The following SLC22A24 variants were observed in gnomAD, a reference collection of about 807,000 sequenced individuals.
SLC22A24 encodes solute carrier family 22 member 24, also known as steroid transmembrane transporter SLC22A24.
In SLC22A24, 53 loss-of-function variants were observed where a neutral mutation model predicts 49.8. The observed-to-expected ratio is 1.06, with a 90% CI of 0.85 to 1.34. SLC22A24 has a LOEUF of 1.34. Ranked by LOEUF, SLC22A24 falls within the 40% of genes most tolerant of loss-of-function variation. The pLI is 0.00. For missense variants in SLC22A24, 786 were observed against 675.9 expected (o/e 1.16, Z -1.81); for synonymous variants, 302 against 256.4 (o/e 1.18, Z -1.70).
At chr11:63,092,397 A>AG (rs71065331) in intron 6 of SLC22A24, among the ~76,000 whole-genome samples, 1 of 147,640 alleles carries the variant, frequency 6.8e-6, no homozygotes, top group African/African-American at 2.5e-5. Context: ...ATTAGAAAAA[A>AG]CTAGTTCAAA....
chr11:63,123,374 C>A (rs184264007), intron 2 of SLC22A24, among the ~76,000 whole-genome samples: 4 of 152,262 alleles, frequency 2.6e-5, no homozygotes, highest in Admixed American at 6.5e-5. Flanking sequence ...AGAGTTTAAT[C>A]TACTTGATAT....
intron 6 of SLC22A24, 88 bp from the exon 7 acceptor site, chr11:63,083,545 A>G: frequency 9.3e-7 from 1 of 1,071,688 alleles, no homozygotes; most frequent in Non-Finnish European, 1.3e-6. Flanking sequence ...AAGTCCTACA[A>G]ATGATTATAA....
intron 2 of SLC22A24, among the ~76,000 whole-genome samples, chr11:63,127,100 G>T (rs2087296965): frequency 6.6e-6 from 1 of 152,104 alleles, no homozygotes; most frequent in African/African-American, 2.4e-5. Flanking sequence ...TTTACATTAG[G>T]TATTTCTCCT....
At chr11:63,099,778 A>T (rs897888434) in intron 5 of SLC22A24, among the ~76,000 whole-genome samples, 12 of 152,220 alleles carry the variant, frequency 7.9e-5, no homozygotes, top group Non-Finnish European at 1.3e-4. Flanking sequence ...GACATATGCA[A>T]TTCAACCAAT....
At chr11:63,104,555 G>C (rs1345291490) in intron 4 of SLC22A24, among the ~76,000 whole-genome samples, 1 of 152,106 alleles carries the variant, frequency 6.6e-6, no homozygotes, top group Non-Finnish European at 1.5e-5. Context: ...AGACATACCT[G>C]AGACTGGGTA....
intron 2 of SLC22A24, among the ~76,000 whole-genome samples, chr11:63,128,317 T>A (rs910765299): frequency 7.2e-5 from 11 of 152,022 alleles, no homozygotes; most frequent in Non-Finnish European, 8.8e-5. Flanking sequence ...CACCAGCGCC[T>A]GGGAAGACAC....
intron 7 of SLC22A24, among the ~76,000 whole-genome samples, chr11:63,082,546 T>C (rs899534124): frequency 6.6e-6 from 1 of 152,188 alleles, no homozygotes; most frequent in Non-Finnish European, 1.5e-5. Context: ...GGTCATTCTA[T>C]TAATTTAACT....
At chr11:63,083,478 A>G (rs1185148201) in intron 6 of SLC22A24, 21 bp from the exon 7 acceptor site, 3 of 1,522,114 alleles carry the variant, frequency 2.0e-6, no homozygotes, top group Non-Finnish European at 1.8e-6. Flanking sequence ...TAAAAAGGAC[A>G]AAGACATATT....
At chr11:63,124,781 T>C (rs1051113767) in intron 2 of SLC22A24, among the ~76,000 whole-genome samples, 2 of 152,090 alleles carry the variant, frequency 1.3e-5, no homozygotes, top group Non-Finnish European at 1.5e-5. Context: ...CCATAAAAAA[T>C]GATGAGTTCA....
chr11:63,130,144 C>T (rs542822494), intron 2 of SLC22A24, among the ~76,000 whole-genome samples: 13 of 152,262 alleles, frequency 8.5e-5, no homozygotes, highest in African/African-American at 2.4e-4. Context: ...TTTTGAGATA[C>T]GTTCCATCTA....
chr11:63,105,185 T>C (rs2087113206), intron 4 of SLC22A24, among the ~76,000 whole-genome samples: 2 of 152,350 alleles, frequency 1.3e-5, no homozygotes, highest in South Asian at 4.1e-4. Context: ...TTGGACAGGG[T>C]ACAGCCCCTC....
chr11:63,105,689 T>C (rs1049555397), intron 4 of SLC22A24, among the ~76,000 whole-genome samples: 2 of 152,108 alleles, frequency 1.3e-5, no homozygotes, highest in Admixed American at 6.6e-5. Flanking sequence ...CATTTTTTTT[T>C]CTCCTAGGTA....
intron 6 of SLC22A24, among the ~76,000 whole-genome samples, chr11:63,092,285 A>G (rs1173746624): frequency 1.3e-5 from 2 of 151,622 alleles, no homozygotes; most frequent in Non-Finnish European, 1.5e-5. Flanking sequence ...TTCCATGCTC[A>G]TGGATGGGAA....
At chr11:63,141,023 T>C (rs2087412076) in intron 1 of SLC22A24, among the ~76,000 whole-genome samples, 1 of 152,204 alleles carries the variant, frequency 6.6e-6, no homozygotes, top group Non-Finnish European at 1.5e-5. Context: ...AGAACACTAA[T>C]CATACTGATG....
chr11:63,120,775 T>C (rs2087246321), intron 2 of SLC22A24, among the ~76,000 whole-genome samples: 1 of 152,188 alleles, frequency 6.6e-6, no homozygotes. Context: ...ATGTCATGAT[T>C]ACTCTTATAA....
At chr11:63,138,447 C>T (rs1565046230) in intron 1 of SLC22A24, among the ~76,000 whole-genome samples, 1 of 151,902 alleles carries the variant, frequency 6.6e-6, no homozygotes, top group Non-Finnish European at 1.5e-5. Context: ...TCAAGACCAT[C>T]CTGGCTAACA....
chr11:63,110,825 T>C (rs1482286570), intron 4 of SLC22A24, among the ~76,000 whole-genome samples: 3 of 143,180 alleles, frequency 2.1e-5, no homozygotes, highest in Non-Finnish European at 3.1e-5. Context: ...CTTTTCCTAA[T>C]TGAATACCCT....
Position 63,099,521 on chromosome 11 carries a change from A to C in SLC22A24, c.955-3415T>G, listed in dbSNP as rs367899092. On this transcript the variant is annotated intron_variant, in intron 5 of 9. Transcript: ENST00000612278. ...CATTTAAAGAACTAGTACTAATCCT[A>C]CTCAAACTATTCTGAAAAAATACGG... 5.9e-4 allele frequency among the ~76,000 whole-genome samples: 89 copies of C among 151,058 alleles called. 2 individuals are homozygous for C. In the South Asian group the frequency reaches 9.9e-3, roughly 17 times the overall value.
Position 63,119,234 on chromosome 11 carries a change from C to A in SLC22A24, c.608G>T (p.Arg203Leu). ...CATGGTGGAGAACCCTGCCAAGAAG[C>A]GCAGTATGCAGTAAACAAGGAAGGT... ...APTFLVYCIL[R>L]FLAGFSTMTI... Residue 203 changes from arginine to leucine, a missense_variant, in exon 3 of 10, where the codon CGC (arginine) becomes CTC (leucine). By Grantham distance (102) the Arg-to-Leu change is moderately radical. Transcript: ENST00000612278. 6.4e-7 allele frequency: 1 copy of A among 1,550,974 alleles called. No homozygotes were observed. The highest frequency in any genetic ancestry group is 2.0e-5 in the Admixed American group (1 of 50,814).
Sources: allele counts gnomAD v4.1 joint callset (sites outside exome capture counted in the v4.1 genomes callset), GRCh38; gene constraint gnomAD v4.1.1; transcripts MANE v1.5; gene names NCBI Gene and HGNC (gene_info 2026-07-23, HGNC 2026-07-21).